Variants in NLRP1 observed in about 807,000 individuals in gnomAD.
NLRP1 encodes NLR family pyrin domain containing 1.
In NLRP1, 94 loss-of-function variants were observed where a neutral mutation model predicts 136.7. The observed-to-expected ratio is 0.69, with a 90% CI of 0.58 to 0.82. The LOEUF (loss-of-function observed/expected upper bound fraction) is 0.82. Among genes scored for constraint, NLRP1 ranks in the 40% least tolerant of loss-of-function variants. The pLI, the probability that NLRP1 is intolerant of heterozygous loss-of-function variation, is 0.00. For synonymous variants in NLRP1, 690 were observed against 725.1 expected, an observed-to-expected ratio of 0.95 and a Z score of 0.78; for missense variants, 1,575 against 1,802.7, an observed-to-expected ratio of 0.87 and a Z score of 2.29.
chr17:5,573,047 T>C (rs1904587857), intron 3 of NLRP1, among the ~76,000 whole-genome samples: 1 of 151,768 alleles, frequency 6.6e-6, no homozygotes, highest in African/African-American at 2.4e-5. Context: ...GTGCAAGGGG[T>C]CAGGGAATTC....
intron 5 of NLRP1, among the ~76,000 whole-genome samples, chr17:5,550,968 C>T (rs576354014): frequency 8.5e-5 from 13 of 152,082 alleles, no homozygotes; most frequent in Non-Finnish European, 1.8e-4. Flanking sequence ...CAATCTTTCC[C>T]ACTGCTGACA....
At chr17:5,505,326 A>G (rs8068422) in intron 15 of NLRP1, 42,726 of 152,314 alleles carry the variant, frequency 0.28, 6,450 homozygotes, top group African/African-American at 0.4. Context: ...GCTCCACTCA[A>G]TCCCCTGCTG....
chr17:5,508,210 A>C (rs959597170), intron 15 of NLRP1, among the ~76,000 whole-genome samples: 1 of 152,026 alleles, frequency 6.6e-6, no homozygotes. Context: ...AGGCAGGAGA[A>C]TCACTTGAAC....
chr17:5,528,301 A>C (rs975793417), intron 12 of NLRP1, among the ~76,000 whole-genome samples: 4 of 152,216 alleles, frequency 2.6e-5, no homozygotes, highest in Non-Finnish European at 4.4e-5. Context: ...GGGAACAAGT[A>C]ACTTGTCCCA....
At chr17:5,568,204 G>C (rs1214868813) in intron 3 of NLRP1, among the ~76,000 whole-genome samples, 1 of 151,862 alleles carries the variant, frequency 6.6e-6, no homozygotes, top group Admixed American at 6.6e-5. Flanking sequence ...GCCATTTTGA[G>C]GCTATTTTCT....
At position 5,530,515 on chromosome 17, in the gene NLRP1, T is replaced by G; in HGVS notation, c.3486A>C (p.Glu1162Asp). The change falls in exon 12 of 17, where the codon GAA becomes GAC. Residue 1162 changes from glutamate to aspartate, a missense_variant. Transcript: ENST00000572272. ...LDIKAEPGAV[E>D]AVHLPHFVAL... Reference sequence around the variant, plus strand: ...CCACAAAGTGAGGGAGGTGCACAGCTTCCACAGCTCCAGGCTCAGCCTTGA... The same window carrying G: ...CCACAAAGTGAGGGAGGTGCACAGCGTCCACAGCTCCAGGCTCAGCCTTGA... 8 of 1,614,172 alleles carry G rather than the reference T, an allele frequency of 5.0e-6. No homozygotes were observed. The highest frequency in any genetic ancestry group is 6.8e-6 in the Non-Finnish European group (8 of 1,180,034).
At chr17:5,564,130 C>T (rs1915063700) in intron 3 of NLRP1, among the ~76,000 whole-genome samples, 1 of 152,076 alleles carries the variant, frequency 6.6e-6, no homozygotes, top group Non-Finnish European at 1.5e-5. Context: ...TACAAGTAAG[C>T]ACTGTAAAAT....
At chr17:5,526,481 G>A (rs1472993750) in intron 12 of NLRP1, among the ~76,000 whole-genome samples, 1 of 152,166 alleles carries the variant, frequency 6.6e-6, no homozygotes, top group Non-Finnish European at 1.5e-5. Context: ...ACCCCACTCA[G>A]GTGTCTGTGT....
intron 4 of NLRP1, among the ~76,000 whole-genome samples, chr17:5,555,629 C>T (rs1314264894): frequency 6.6e-6 from 1 of 152,152 alleles, no homozygotes; most frequent in Non-Finnish European, 1.5e-5. Context: ...TCCACTGCTA[C>T]TTGCAGTACC....
intron 11 of NLRP1, among the ~76,000 whole-genome samples, chr17:5,531,327 C>T (rs1910248622): frequency 6.6e-6 from 1 of 152,144 alleles, no homozygotes; most frequent in Non-Finnish European, 1.5e-5. Flanking sequence ...GCAATTCTTC[C>T]ACCTCAGCTC....
At chr17:5,564,508 T>C (rs1323057384) in intron 3 of NLRP1, among the ~76,000 whole-genome samples, 1 of 152,212 alleles carries the variant, frequency 6.6e-6, no homozygotes, top group South Asian at 2.1e-4. Flanking sequence ...GTTTCATCCA[T>C]GTTTGTTGCA....
At chr17:5,574,527 G>A (rs1438655168) in intron 3 of NLRP1, among the ~76,000 whole-genome samples, 1 of 152,114 alleles carries the variant, frequency 6.6e-6, no homozygotes, top group East Asian at 1.9e-4. Flanking sequence ...AAGCTGAAAT[G>A]AAGGAAAAAA....
chr17:5,509,540 A>C (rs1002060275), downstream of NLRP1, among the ~76,000 whole-genome samples: 9 of 152,198 alleles, frequency 5.9e-5, no homozygotes, highest in Admixed American at 1.3e-4. Flanking sequence ...CCCACCATCC[A>C]TCAGAGTGCC....
chr17:5,506,326 A>G (rs1824193378), intron 15 of NLRP1, among the ~76,000 whole-genome samples: 1 of 151,794 alleles, frequency 6.6e-6, no homozygotes, highest in African/African-American at 2.4e-5. Context: ...ATTCAGCAAC[A>G]TCATTCTTCT....
Position 5,539,466 on chromosome 17 carries a change from C to T in NLRP1, c.2819G>A (p.Arg940Gln), listed in dbSNP as rs769764122. The change falls in exon 7 of 17, where the codon CGA (arginine) becomes CAA (glutamine). Residue 940 changes from arginine (R) to glutamine (Q), a missense_variant. Coordinates refer to ENST00000572272, the MANE Select transcript of NLRP1 (RefSeq NM_033004.4). ...ATGCCTGAGCCCCTCACAGAGCAGT[C>T]GCACGCCAACGTCATCCAGGTTGTT... ...QQNNLDDVGV[R>Q]LLCEGLRHPA... 14 of 1,614,006 alleles carry T rather than the reference C, an allele frequency of 8.7e-6. No individual in the cohort carries two copies. Among genetic ancestry groups the T allele is most frequent in the Middle Eastern group, 1.6e-4 (1 of 6,084 alleles).
rs573708072 is a variant in NLRP1 at position 5,539,361 on chromosome 17, C to T, written c.2870+54G>A. ...ATCAGTCCTTTTTCCATCCCCTGTC[C>T]GATACCCCCCCAACCCTCTTCCCTC... On this transcript the variant is annotated intron_variant, in intron 7 of 16. Transcript: ENST00000572272. The T allele has an allele frequency of 6.6e-5, 101 of 1,521,728 alleles. No individual in the cohort carries two copies. In the East Asian group the frequency reaches 8.0e-4, roughly 12 times the overall value. 94.3% of individuals were successfully genotyped at this position (1,521,728 alleles called of 1,614,324 possible).
At position 5,582,678 on chromosome 17, in the gene NLRP1, C is replaced by T. The variant is rs200634854; in HGVS notation, c.440G>A (p.Arg147His). ...GCCTCAGCAAGCCTCACCTCTCCAG[C>T]GGCGTCCAGATGTGTCAGGCAGCTG... The part of the protein sequence containing the change: ...LRQLPDTSGR[R>H]WREISASLLY... Residue 147 changes from arginine (R) to histidine (H), a missense_variant, in exon 2 of 17, where the codon CGC (arginine) becomes CAC (histidine). Physicochemically the swap from Arg to His is conservative, Grantham distance 29. Transcript: ENST00000572272. The T allele has an allele frequency of 4.2e-5, 67 of 1,613,952 alleles. No individual in the cohort carries two copies. Among genetic ancestry groups the T allele is most frequent in the Non-Finnish European group, 5.2e-5 (61 of 1,179,972 alleles).
rs761387178 is a variant in NLRP1 at position 5,559,695 on chromosome 17, C to T, written c.1001G>A (p.Gly334Glu). The T allele has an allele frequency of 6.2e-7, 1 of 1,614,256 alleles. No individual in the cohort carries two copies. The highest frequency in any genetic ancestry group is 8.5e-7 in the Non-Finnish European group (1 of 1,180,044). ...TGTTGACTTCCCAATTCCAGCAGCC[C>T]CCTGCAGTATGACTATGCGAGGTTC... ...TQEPRIVILQ[G>E]AAGIGKSTLA... Residue 334 changes from glycine (G) to glutamate (E), a missense_variant, in exon 4 of 17, where the codon GGG becomes GAG. Physicochemically the swap from Gly to Glu is moderately conservative, Grantham distance 98. Transcript: ENST00000572272.
At chr17:5,557,717 T>G (rs1914248742) in intron 4 of NLRP1, among the ~76,000 whole-genome samples, 1 of 152,216 alleles carries the variant, frequency 6.6e-6, no homozygotes, top group African/African-American at 2.4e-5. Context: ...AAGTTCTCAG[T>G]ACTGCCGGGC....
Sources: gnomAD v4.1 joint callset for allele counts (sites outside exome capture counted in the v4.1 genomes callset) on GRCh38, gnomAD v4.1.1 for gene constraint, MANE v1.5 for transcripts, NCBI Gene and HGNC (gene_info 2026-07-23, HGNC 2026-07-21) for gene names.